The following PEX6 variants were observed in gnomAD, a reference collection of about 807,000 sequenced individuals.
PEX6 encodes the protein peroxisomal biogenesis factor 6.
In PEX6, 55 loss-of-function variants were observed where a neutral mutation model predicts 85.6. That is an observed-to-expected ratio of 0.64 (90% CI 0.52 to 0.80). The LOEUF is 0.80. Among genes scored for constraint, PEX6 ranks in the 30% least tolerant of loss-of-function variants. PEX6 has a pLI of 0.00. For synonymous variants in PEX6, 519 were observed against 549.1 expected (o/e 0.95, Z 0.77); for missense variants, 1,099 against 1,260.3 (o/e 0.87, Z 1.94).
chr6:42,967,563 G>A lies in PEX6; in HGVS notation c.1689C>T (p.Ser563=). 8 of 1,596,494 alleles carry A rather than the reference G, an allele frequency of 5.0e-6. No homozygotes were observed. The highest frequency in any genetic ancestry group is 6.8e-6 in the Non-Finnish European group (8 of 1,172,534). ...TGGCCACAACCATGAGGGGAGGGCA[G>A]CTGCAGACAGAGGAGTGGGCACTGA... ...HLLLNEDPLN[S]CPPLMVVATT... Residue 563 remains serine, a splice_region_variant and synonymous_variant, in exon 8 of 17, where the codon AGC becomes AGT. Coordinates refer to ENST00000304611, the MANE Select transcript of PEX6 (RefSeq NM_000287.4).
intron 7 of PEX6, 107 bp downstream of exon 7, chr6:42,968,182 GC>G (rs1328381830): frequency 2.2e-6 from 2 of 895,086 alleles, no homozygotes; most frequent in African/African-American, 3.3e-5. Context: ...CCTGATCAAG[GC>G]AGGTGATCCA....
chr6:42,967,513 G>A lies in PEX6; in HGVS notation c.1739C>T (p.Pro580Leu). The A allele has an allele frequency of 1.2e-6, 2 of 1,608,856 alleles. No individual in the cohort carries two copies. The highest frequency in any genetic ancestry group is 1.7e-6 in the Non-Finnish European group (2 of 1,178,062). Reference protein sequence around the residue: ...VATTSRAQDLPADVQTAFPHE... With the variant: ...VATTSRAQDLLADVQTAFPHE... ...AGGAAATGCTGTCTGCACATCAGCA[G>A]GCAGGTCCTGGGCCCGGCTTGTGGT... Residue 580 changes from proline to leucine, a missense_variant, in exon 8 of 17, where the codon CCT (proline) becomes CTT (leucine). By Grantham distance (98) the Pro-to-Leu change is moderately conservative (BLOSUM62 -3). This residue lies in a region of PEX6 where 514 missense variants were observed against 627.0 expected (regional missense o/e 0.82). Transcript: ENST00000304611.
In PEX6 at chr6:42,964,617, T is replaced by C; in HGVS notation, c.2807-146A>G. The C allele has an allele frequency of 7.5e-7, 1 of 1,328,462 alleles. No individual in the cohort carries two copies. Among genetic ancestry groups the C allele is most frequent in the Non-Finnish European group, 1.1e-6 (1 of 945,480 alleles). The allele number at this position is 1,328,462 out of a possible 1,614,324, so 82.3% of individuals were successfully genotyped here. On this transcript the variant is annotated intron_variant, in intron 16 of 16. Coordinates refer to ENST00000304611, the MANE Select transcript of PEX6 (RefSeq NM_000287.4). This position sits in a 1 kb window ranked among gnomAD's most constrained non-coding sequence, Gnocchi z 4.6. ...AGGTTTGTCTCCCACTAGTTTTTTT[T>C]TTCCCTTAAACATTTTTTTTAGAGT... is the stretch of plus-strand genomic sequence containing the variant.
chr6:42,974,230 T>G, intron 2 of PEX6, 144 bp from the exon 3 acceptor site: 2 of 697,742 alleles, frequency 2.9e-6, no homozygotes, highest in Non-Finnish European at 5.2e-6. Context: ...AAGGAACAAG[T>G]CAGTCTTAGG....
At chr6:42,974,448 T>G (rs7744423) in intron 2 of PEX6, among the ~76,000 whole-genome samples, 24,164 of 83,022 alleles carry the variant, frequency 0.29, 4,004 homozygotes, top group African/African-American at 0.38. Context: ...AAATGTTTTT[T>G]TTGTTTTTTT....
intron 7 of PEX6, 33 bp downstream of exon 7, chr6:42,968,257 C>A: frequency 1.3e-6 from 2 of 1,594,562 alleles, no homozygotes; most frequent in Non-Finnish European, 1.7e-6. Flanking sequence ...GCCGGCCCCC[C>A]CAGCTTTGAG....
rs1051218 is a variant in PEX6, at chr6:42,964,123, G to A, written c.*212C>T. On this transcript the variant is annotated 3_prime_UTR_variant, in exon 17 of 17. Transcript: ENST00000304611. This position sits in a 1 kb window ranked among gnomAD's most constrained non-coding sequence, Gnocchi z 4.6. ...GTAGATGGGCCTTTCTCTTAGAGCC[G>A]GCCTGGAAGGAGGGGCAAGTAGGCA... 16,944 of 612,356 alleles carry A rather than the reference G, an allele frequency of 0.028. 331 individuals are homozygous for A. Among genetic ancestry groups the A allele is most frequent in the Non-Finnish European group, 0.033 (11,321 of 346,800 alleles). The allele number at this position is 612,356 out of a possible 1,614,324, so 37.9% of individuals were successfully genotyped here. A position where few individuals can be genotyped will look rare whatever the true frequency, so the allele number is the denominator to read the frequency against.
At chr6:42,969,483 G>A (rs1023018543) in intron 5 of PEX6, among the ~76,000 whole-genome samples, 185 bp downstream of exon 5, 1 of 152,188 alleles carries the variant, frequency 6.6e-6, no homozygotes, top group African/African-American at 2.4e-5. Context: ...TCCCAGGAAA[G>A]GAGCCTGGGA....
At position 42,965,115 on chromosome 6, in the gene PEX6, G is replaced by A. The variant is rs267608246; in HGVS notation, c.2626C>T (p.Arg876Trp). The A allele has an allele frequency of 9.9e-6, 16 of 1,614,082 alleles. No individual in the cohort carries two copies. The highest frequency in any genetic ancestry group is 1.3e-5 in the African/African-American group (1 of 74,936). ...CTTAGAACGCGTAGCTGGGAGGCCCGGTCCTCATTTGCCCCCACAAACACC... is the reference window on the plus strand; with the variant it reads ...CTTAGAACGCGTAGCTGGGAGGCCCAGTCCTCATTTGCCCCCACAAACACC... Reference protein sequence around the residue: ...KLVFVGANEDRASQLRVLSAI... With the variant: ...KLVFVGANEDWASQLRVLSAI... The change falls in exon 15 of 17, where the codon CGG becomes TGG. Residue 876 changes from arginine to tryptophan, a missense_variant. By Grantham distance (101) the Arg-to-Trp change is moderately radical (BLOSUM62 -3). This residue lies in a region of PEX6 where 514 missense variants were observed against 627.0 expected (regional missense o/e 0.82). Transcript: ENST00000304611. The surrounding 1 kb of genome is among the most constrained non-coding windows in gnomAD (Gnocchi z 5.0).
At position 42,974,069 on chromosome 6, in the gene PEX6, T is replaced by A. The variant is rs1357873175; in HGVS notation, c.1064A>T (p.Asp355Val). Residue 355 changes from aspartate to valine, a missense_variant, in exon 3 of 17, where the codon GAT (aspartate) becomes GTT (valine). By Grantham distance (152) the Asp-to-Val change is radical. Coordinates refer to ENST00000304611, the MANE Select transcript of PEX6 (RefSeq NM_000287.4). Reference protein sequence around the residue: ...FQIPRVVQEGDVLCVPTIGQV... With the variant: ...FQIPRVVQEGVVLCVPTIGQV... The stretch of plus-strand genomic sequence containing the variant: ...CCCAATTGTTGGCACACATAGAACA[T>A]CCCCTTCCTGGACTACCCTGCAACA... 1 of 1,613,730 alleles carries A rather than the reference T, an allele frequency of 6.2e-7. No individual in the cohort carries two copies. Among genetic ancestry groups the A allele is most frequent in the Non-Finnish European group, 8.5e-7 (1 of 1,179,820 alleles).
Position 42,963,924 on chromosome 6 carries a change from GCCCACCC to G in PEX6, c.*404_*410del. On this transcript the variant is annotated 3_prime_UTR_variant, in exon 17 of 17. Transcript: ENST00000304611. ...GTCAGAAGGATCAGGCTCCCATGCT[GCCCACCC>G]CCCCACCCTCTCCCAGGGCTTACTC... The G allele has an allele frequency of 1.6e-6, 1 of 616,630 alleles. No homozygotes were observed. Among genetic ancestry groups the G allele is most frequent in the Non-Finnish European group, 2.9e-6 (1 of 339,860 alleles). 38.2% of individuals were successfully genotyped at this position (616,630 alleles called of 1,614,324 possible).
At chr6:42,974,451 GTTTT>G (rs541877938) in intron 2 of PEX6, among the ~76,000 whole-genome samples, 1 of 61,014 alleles carries the variant, frequency 1.6e-5, no homozygotes, top group Non-Finnish European at 3.3e-5. Context: ...TGTTTTTTTT[GTTTT>G]TTTTTTTTTT....
chr6:42,969,697 A>G lies in PEX6; in HGVS notation c.1338T>C (p.Cys446=). ...PGLEALVSEL[C]AVLKPRLQPG... ...GCTGGAGGCGAGGCTTCAGGACAGC[A>G]CAGAGTTCAGACACCAAGGCCTCCA... The change falls in exon 5 of 17, where the codon TGT becomes TGC. Residue 446 remains cysteine (C), a synonymous_variant. Transcript: ENST00000304611. 6.2e-7 allele frequency: 1 copy of G among 1,613,222 alleles called. No individual in the cohort carries two copies. The highest frequency in any genetic ancestry group is 2.2e-5 in the East Asian group (1 of 44,878).
chr6:42,970,457 G>C (rs1381503735), intron 3 of PEX6, among the ~76,000 whole-genome samples: 1 of 152,172 alleles, frequency 6.6e-6, no homozygotes, highest in East Asian at 1.9e-4. Flanking sequence ...GATGAATAAT[G>C]GTTCTGTATT....
chr6:42,978,655 G>C lies in PEX6; in HGVS notation c.496C>G (p.Leu166Val), dbSNP rs1770417803. The stretch of plus-strand genomic sequence containing the variant: ...CTGCTGTCCCCAGACTCTGGACACA[G>C]TCTGGCCCGCCCGCGGAGCTCAGTC... Reference protein sequence around the residue: ...AVTELRGRARLCPESGDSSRP... With the variant: ...AVTELRGRARVCPESGDSSRP... The change falls in exon 1 of 17, where the codon CTG becomes GTG. Residue 166 changes from leucine to valine, a missense_variant. Physicochemically the swap from Leu to Val is conservative, Grantham distance 32. This residue lies in a region of PEX6 where 579 missense variants were observed against 611.6 expected (regional missense o/e 0.95). Coordinates refer to ENST00000304611, the MANE Select transcript of PEX6 (RefSeq NM_000287.4). The C allele has an allele frequency of 1.3e-6, 2 of 1,572,244 alleles. No homozygotes were observed. Among genetic ancestry groups the C allele is most frequent in the African/African-American group, 2.7e-5 (2 of 74,136 alleles).
Position 42,964,668 on chromosome 6 carries a change from T to C in PEX6, c.2806+122A>G, listed in dbSNP as rs969641417. The C allele has an allele frequency of 2.9e-6, 4 of 1,396,018 alleles. No homozygotes were observed. The South Asian group carries it at 4.7e-5, about 16-fold the overall frequency. The allele number at this position is 1,396,018 out of a possible 1,614,324, so 86.5% of individuals were successfully genotyped here. ...TGGGGTCTCTCTGTGTTGCCCAGGCTGGCCTCAAACTCCTGGGCTCAAGCG... is the reference window on the plus strand; with the variant it reads ...TGGGGTCTCTCTGTGTTGCCCAGGCCGGCCTCAAACTCCTGGGCTCAAGCG... On this transcript the variant is annotated intron_variant, in intron 16 of 16. Transcript: ENST00000304611. This position sits in a 1 kb window ranked among gnomAD's most constrained non-coding sequence, Gnocchi z 4.6.
At position 42,966,452 on chromosome 6, in the gene PEX6, G is replaced by C. The variant is rs767855059; in HGVS notation, c.2095-5C>G. The stretch of plus-strand genomic sequence containing the variant: ...ATGCCAGGACACTGAGGGGATCTAG[G>C]AGATGGAAAGTGCGTGGTTGGGATA... On this transcript the variant is annotated splice_region_variant and splice_polypyrimidine_tract_variant and intron_variant, in intron 10 of 16. Transcript: ENST00000304611. 6.2e-7 allele frequency: 1 copy of C among 1,614,068 alleles called. No homozygotes were observed. The highest frequency in any genetic ancestry group is 8.5e-7 in the Non-Finnish European group (1 of 1,179,950).
chr6:42,978,317 A>T lies in PEX6; in HGVS notation c.834T>A (p.Ala278=), dbSNP rs75600837. 15 of 1,614,212 alleles carry T rather than the reference A, an allele frequency of 9.3e-6. No individual in the cohort carries two copies. In the East Asian group the frequency reaches 3.3e-4, roughly 36 times the overall value. The part of the protein sequence containing the change: ...DGLALVPATL[A]FNLGCDPLEM... ...CCAGGGGGTCACAGCCAAGATTAAA[A>T]GCCAAAGTGGCAGGGACAAGCGCCA... Residue 278 remains alanine, a synonymous_variant, in exon 1 of 17, where the codon GCT becomes GCA. Transcript: ENST00000304611.
rs748814053 is a variant in PEX6, at chr6:42,978,332, G to C, written c.819C>G (p.Val273=). ...GEPLADGLAL[V]PATLAFNLGC... ...CAAGATTAAAAGCCAAAGTGGCAGGGACAAGCGCCAGTCCGTCAGCGAGGG... is the reference window on the plus strand; with the variant it reads ...CAAGATTAAAAGCCAAAGTGGCAGGCACAAGCGCCAGTCCGTCAGCGAGGG... Residue 273 remains valine (V), a synonymous_variant, in exon 1 of 17, where the codon GTC becomes GTG. Transcript: ENST00000304611. 2.5e-6 allele frequency: 4 copies of C among 1,614,074 alleles called. No homozygotes were observed. The African/African-American group carries it at 5.3e-5, about 22-fold the overall frequency.
Sources: allele counts gnomAD v4.1 joint callset (sites outside exome capture counted in the v4.1 genomes callset), GRCh38; gene constraint gnomAD v4.1.1; regional missense constraint gnomAD v4.1.1; non-coding constraint Gnocchi (gnomAD v3.1); transcripts MANE v1.5; gene names NCBI Gene and HGNC (gene_info 2026-07-23, HGNC 2026-07-21).